The following TDRD10 variants were observed in gnomAD, a reference collection of about 807,000 sequenced individuals.
The protein encoded by TDRD10 is tudor domain containing 10, also known as tudor domain-containing protein 10.
A neutral mutation model predicts 48.0 loss-of-function variants in TDRD10; 40 were observed. The ratio of observed to expected loss-of-function variants is 0.83; its 90% confidence interval spans 0.65 to 1.09. The LOEUF is 1.09. Ranked by LOEUF, TDRD10 falls within the 50% of genes least tolerant of loss-of-function variation. The pLI, the probability that TDRD10 is intolerant of heterozygous loss-of-function variation, is 0.00. For synonymous variants in TDRD10, 162 were observed against 170.4 expected (o/e 0.95, Z 0.38); for missense variants, 378 against 434.7 (o/e 0.87, Z 1.16).
At chr1:154,536,195 G>T (rs1008175517) in intron 6 of TDRD10, among the ~76,000 whole-genome samples, 13 of 152,144 alleles carry the variant, frequency 8.5e-5, no homozygotes, top group Non-Finnish European at 8.8e-5. Flanking sequence ...GGCCAACATG[G>T]TGAAACCCCG....
chr1:154,544,462 G>A lies in TDRD10; in HGVS notation c.742G>A (p.Gly248Arg), dbSNP rs1466812039. ...CCTGGAGGGCTCCACCGTTATGCGC[G>A]GGACTCGCTGTCTGGCAGAGTACCA... is the stretch of plus-strand genomic sequence containing the variant. ...PYLEGSTVMR[G>R]TRCLAEYHLG... Residue 248 changes from glycine to arginine, a missense_variant, in exon 10 of 13, where the codon GGG becomes AGG. Gly to Arg is a moderately radical substitution (Grantham distance 125). Around this residue, in one of 2 missense-constraint regions of TDRD10, gnomAD observed 310 missense variants for 323.6 expected, o/e 0.96. Coordinates refer to ENST00000368482, the MANE Select transcript of TDRD10 (RefSeq NM_182499.4). The A allele has an allele frequency of 1.9e-6, 3 of 1,613,210 alleles. No homozygotes were observed. The highest frequency in any genetic ancestry group is 1.1e-5 in the South Asian group (1 of 90,630).
intron 4 of TDRD10, among the ~76,000 whole-genome samples, chr1:154,513,609 G>T (rs1400325858): frequency 6.6e-6 from 1 of 152,150 alleles, no homozygotes; most frequent in Non-Finnish European, 1.5e-5. Flanking sequence ...CACTAAAAAT[G>T]AGATAACCAG....
chr1:154,541,948 C>T (rs879278553), intron 6 of TDRD10, 76 bp from the exon 7 acceptor site: 3 of 1,473,000 alleles, frequency 2.0e-6, no homozygotes, highest in South Asian at 1.2e-5. Context: ...CCCAGTCTAC[C>T]TGGAGTGATT....
chr1:154,543,742 C>T (rs1198128951), intron 8 of TDRD10, among the ~76,000 whole-genome samples: 1 of 152,178 alleles, frequency 6.6e-6, no homozygotes, highest in African/African-American at 2.4e-5. Flanking sequence ...TCTTCAACCC[C>T]TACGCCCCCA....
At chr1:154,509,879 C>T (rs1334268535) in intron 4 of TDRD10, 1 of 985,064 alleles carries the variant, frequency 1.0e-6, no homozygotes, top group East Asian at 1.1e-4. Context: ...AGGTAAGATG[C>T]TGAGCAGTTC....
At chr1:154,510,325 G>A (rs1462677946) in intron 4 of TDRD10, among the ~76,000 whole-genome samples, 6 of 152,096 alleles carry the variant, frequency 3.9e-5, no homozygotes, top group Non-Finnish European at 7.4e-5. Context: ...GGGTGCGGTC[G>A]TTCATGCCTG....
At chr1:154,511,574 G>A (rs1306113359) in intron 4 of TDRD10, among the ~76,000 whole-genome samples, 2 of 151,952 alleles carry the variant, frequency 1.3e-5, no homozygotes, top group Non-Finnish European at 2.9e-5. Context: ...AATTGGCCGG[G>A]TGCAGTGGCT....
rs778744201 is a variant in TDRD10 at position 154,547,519 on chromosome 1, C to T, written c.1023+40C>T. On this transcript the variant is annotated intron_variant, in intron 12 of 12. Coordinates refer to ENST00000368482, the MANE Select transcript of TDRD10 (RefSeq NM_182499.4). ...ATCTAACTTGGCTGTTGTCCCTCCA[C>T]TCCTGCCCTTGGGGTGTCTGCAGCA... The T allele has an allele frequency of 2.5e-6, 4 of 1,614,254 alleles. No homozygotes were observed. The South Asian group carries it at 3.3e-5, about 13-fold the overall frequency.
chr1:154,507,406 T>C (rs753943316), intron 3 of TDRD10, 86 bp downstream of exon 3: 67 of 1,488,452 alleles, frequency 4.5e-5, no homozygotes, highest in Non-Finnish European at 5.9e-5. Flanking sequence ...CTGCCCAGTT[T>C]CTGTTCAATG....
intron 4 of TDRD10, among the ~76,000 whole-genome samples, chr1:154,516,758 G>A (rs1221424558): frequency 2.6e-5 from 4 of 152,118 alleles, no homozygotes; most frequent in Non-Finnish European, 5.9e-5. Flanking sequence ...ATTAGCCTGG[G>A]CAACATGACA....
At chr1:154,510,181 A>C (rs1693372363) in intron 4 of TDRD10, among the ~76,000 whole-genome samples, 1 of 151,560 alleles carries the variant, frequency 6.6e-6, no homozygotes, top group African/African-American at 2.4e-5. Flanking sequence ...AGGCAGAAGG[A>C]TCACTTAAGT....
chr1:154,521,213 C>T, intron 5 of TDRD10, 110 bp from the exon 6 acceptor site: 1 of 1,081,588 alleles, frequency 9.2e-7, no homozygotes, highest in Non-Finnish European at 1.4e-6. Context: ...TCTTCCATCA[C>T]TGCAGAGAGA....
chr1:154,542,135 C>T (rs190141743), intron 7 of TDRD10, 69 bp downstream of exon 7: 4 of 1,505,362 alleles, frequency 2.7e-6, no homozygotes, highest in African/African-American at 1.4e-5. Context: ...TCTTCCAGCC[C>T]CTTCTGCAGC....
At chr1:154,533,653 T>C (rs1228482002) in intron 6 of TDRD10, among the ~76,000 whole-genome samples, 1 of 151,906 alleles carries the variant, frequency 6.6e-6, no homozygotes, top group Non-Finnish European at 1.5e-5. Context: ...TATTTATATT[T>C]TTAGAGCAGG....
intron 11 of TDRD10, 139 bp from the exon 12 acceptor site, chr1:154,547,270 A>G (rs1695651220): frequency 3.8e-6 from 3 of 797,036 alleles, no homozygotes; most frequent in South Asian, 3.3e-5. Context: ...ATTTAGCAGG[A>G]ACTAGCAGAG....
intron 4 of TDRD10, among the ~76,000 whole-genome samples, chr1:154,518,788 A>G (rs774588294): frequency 2.0e-5 from 3 of 152,174 alleles, no homozygotes; most frequent in Non-Finnish European, 2.9e-5. Context: ...GCTGTAAACA[A>G]TGAGTGAATG....
intron 11 of TDRD10, among the ~76,000 whole-genome samples, chr1:154,545,767 A>C (rs2149356900): frequency 6.9e-6 from 1 of 145,026 alleles, no homozygotes; most frequent in Admixed American, 6.9e-5. Flanking sequence ...TAGACAAACT[A>C]AGTCTTTTTT....
intron 6 of TDRD10, among the ~76,000 whole-genome samples, chr1:154,539,305 C>A (rs1382124778): frequency 6.6e-6 from 1 of 151,958 alleles, no homozygotes; most frequent in Non-Finnish European, 1.5e-5. Flanking sequence ...TCTCTCTTTT[C>A]TTTTTTCTTT....
At chr1:154,503,143 C>A (rs1436142122) in intron 1 of TDRD10, 114 bp downstream of exon 1, 2 of 152,348 alleles carry the variant, frequency 1.3e-5, no homozygotes, top group African/African-American at 4.8e-5. Context: ...AAAGGGGTCG[C>A]TGTTCCCGCG....
Sources: allele counts gnomAD v4.1 joint callset (sites outside exome capture counted in the v4.1 genomes callset), GRCh38; gene constraint gnomAD v4.1.1; regional missense constraint gnomAD v4.1.1; transcripts MANE v1.5; gene names NCBI Gene and HGNC (gene_info 2026-07-23, HGNC 2026-07-21).